PLCL2: variants seen among roughly 807,000 people sequenced by gnomAD.
The protein encoded by PLCL2 is inactive phospholipase C-like protein 2.
In PLCL2, 4 loss-of-function variants were observed where a neutral mutation model predicts 79.6. The observed-to-expected ratio is 0.05, with a 90% CI of 0.02 to 0.11. The LOEUF (loss-of-function observed/expected upper bound fraction) is 0.11. Ranked by LOEUF, PLCL2 falls within the 10% of genes least tolerant of loss-of-function variation. PLCL2 has a pLI of 1.00. For missense variants in PLCL2, 895 were observed against 1,291.0 expected (o/e 0.69, Z 4.70); for synonymous variants, 484 against 457.7 (o/e 1.06, Z -0.73).
chr3:16,967,601 T>C (rs1314917602), intron 1 of PLCL2, among the ~76,000 whole-genome samples: 1 of 152,134 alleles, frequency 6.6e-6, no homozygotes, highest in African/African-American at 2.4e-5. Context: ...TTTGCCTACT[T>C]TTTAATGGGG....
intron 4 of PLCL2, among the ~76,000 whole-genome samples, chr3:17,056,844 G>C (rs565530565): frequency 6.6e-6 from 1 of 152,276 alleles, no homozygotes; most frequent in Admixed American, 6.5e-5. Flanking sequence ...AGTCTCAGAG[G>C]CTTTTGTTGT....
intron 3 of PLCL2, among the ~76,000 whole-genome samples, chr3:17,026,641 C>T (rs1052519709): frequency 4.6e-5 from 7 of 152,042 alleles, no homozygotes; most frequent in Admixed American, 1.3e-4. Flanking sequence ...TTTGGGAGGC[C>T]GAGGCAGACT....
intron 1 of PLCL2, among the ~76,000 whole-genome samples, chr3:17,006,914 G>A (rs1323376024): frequency 6.6e-6 from 1 of 152,132 alleles, no homozygotes; most frequent in Non-Finnish European, 1.5e-5. Context: ...TATCTGAAAT[G>A]TATCATTTAT....
intron 1 of PLCL2, among the ~76,000 whole-genome samples, chr3:16,891,114 T>A (rs1344808955): frequency 6.6e-6 from 1 of 152,192 alleles, no homozygotes; most frequent in Non-Finnish European, 1.5e-5. Context: ...CCAGGCCACA[T>A]GTTGCGTATC....
Position 16,885,267 on chromosome 3 carries a change from C to T in PLCL2, c.228C>T (p.Pro76=), listed in dbSNP as rs148153072. The change falls in exon 1 of 6, where the codon CCC becomes CCT. Residue 76 remains proline, a synonymous_variant. Transcript: ENST00000615277. ...CCCGGGCTAGCCCTACCAGGGGACCCCGCGGCGTTGCGCTCGCCCCGACCC... is the reference window on the plus strand; with the variant it reads ...CCCGGGCTAGCCCTACCAGGGGACCTCGCGGCGTTGCGCTCGCCCCGACCC... ...DEARASPTRG[P]RGVALAPTPS... 30,324 of 665,892 alleles carry T rather than the reference C, an allele frequency of 0.046. 1,112 individuals carry two copies. The highest frequency in any genetic ancestry group is 0.13 in the Admixed American group (5,699 of 44,734). The allele number at this position is 665,892 out of a possible 1,614,324, so 41.2% of individuals were successfully genotyped here.
chr3:16,941,595 T>C (rs145011551), intron 1 of PLCL2, among the ~76,000 whole-genome samples: 275 of 152,304 alleles, frequency 1.8e-3, no homozygotes, highest in African/African-American at 6.2e-3. Flanking sequence ...CGAAGCCTCA[T>C]GATGTTGACT....
At chr3:16,906,838 G>A (rs1407687839) in intron 1 of PLCL2, among the ~76,000 whole-genome samples, 1 of 152,140 alleles carries the variant, frequency 6.6e-6, no homozygotes, top group African/African-American at 2.4e-5. Context: ...GAGTGGCCAG[G>A]AAAAACATGC....
intron 1 of PLCL2, among the ~76,000 whole-genome samples, chr3:16,988,633 CTGCAGTTCTATAAATGGTATAA>C (rs2064074338): frequency 6.6e-6 from 1 of 152,028 alleles, no homozygotes; most frequent in African/African-American, 2.4e-5. Flanking sequence ...TGTGTCTGTA[CTGCAGTTCTATAAATGGTATAA>C]TGTTGTGGCC....
intron 1 of PLCL2, among the ~76,000 whole-genome samples, chr3:16,992,455 C>T (rs2064114073): frequency 6.6e-6 from 1 of 152,230 alleles, no homozygotes; most frequent in African/African-American, 2.4e-5. Flanking sequence ...CAGCAAATAA[C>T]CCCCATTTGC....
At position 16,887,589 on chromosome 3, in the gene PLCL2, T is replaced by C. The variant is rs6788003; in HGVS notation, c.327+2223T>C. ...AGAGAGGATGCTATATTTAAATAGGTAACTACTTGGTATATTTCCCTTTGA... is the reference window on the plus strand; with the variant it reads ...AGAGAGGATGCTATATTTAAATAGGCAACTACTTGGTATATTTCCCTTTGA... On this transcript the variant is annotated intron_variant, in intron 1 of 5. Transcript: ENST00000615277. The surrounding 1 kb of genome is among the most constrained non-coding windows in gnomAD (Gnocchi z 4.1). 0.07 allele frequency among the ~76,000 whole-genome samples: 10,597 copies of C among 152,248 alleles called. 496 individuals are homozygous for C. The highest frequency in any genetic ancestry group is 0.11 in the African/African-American group (4,763 of 41,520).
intron 5 of PLCL2, among the ~76,000 whole-genome samples, chr3:17,078,512 C>T (rs574102627): frequency 3.0e-4 from 46 of 152,034 alleles, no homozygotes; most frequent in African/African-American, 1.0e-3. Context: ...CTTGTTACAA[C>T]CGAAGATGTT....
Position 16,945,813 on chromosome 3 carries a change from C to T in PLCL2, c.327+60447C>T, listed in dbSNP as rs180755392. Among the ~76,000 whole-genome samples, 622 of 152,336 alleles carry T rather than the reference C, an allele frequency of 4.1e-3. 2 individuals carry two copies. The highest frequency in any genetic ancestry group is 0.014 in the African/African-American group (597 of 41,572). On this transcript the variant is annotated intron_variant, in intron 1 of 5. Coordinates refer to ENST00000615277, the MANE Select transcript of PLCL2 (RefSeq NM_001144382.2). The stretch of plus-strand genomic sequence containing the variant: ...TGTAGACCCTGGGGTCATGGTTCCA[C>T]TTTATGAATGAAGTAGAGACCTTTC...
rs147644813 is a variant in PLCL2 at position 16,986,587 on chromosome 3, G to A, written c.328-23087G>A. Among the ~76,000 whole-genome samples, 757 of 152,074 alleles carry A rather than the reference G, an allele frequency of 5.0e-3. 7 individuals carry two copies. Among genetic ancestry groups the A allele is most frequent in the African/African-American group, 0.017 (694 of 41,438 alleles). ...CAGCTAATTTTTTGTATTTTTAGTAGGGATGGGGTTTCACCGTGTTGGCCA... is the reference window on the plus strand; with the variant it reads ...CAGCTAATTTTTTGTATTTTTAGTAAGGATGGGGTTTCACCGTGTTGGCCA... On this transcript the variant is annotated intron_variant, in intron 1 of 5. Coordinates refer to ENST00000615277, the MANE Select transcript of PLCL2 (RefSeq NM_001144382.2).
chr3:16,987,871 G>C (rs1234166437), intron 1 of PLCL2, among the ~76,000 whole-genome samples: 1 of 152,154 alleles, frequency 6.6e-6, no homozygotes, highest in East Asian at 1.9e-4. Context: ...ACTTTCAATA[G>C]ATGGAAAATT....
At chr3:17,044,335 C>G (rs139799176) in intron 4 of PLCL2, 4 of 152,392 alleles carry the variant, frequency 2.6e-5, no homozygotes, top group Non-Finnish European at 5.9e-5. Context: ...GCACACATCA[C>G]TCATCTGCTG....
intron 1 of PLCL2, among the ~76,000 whole-genome samples, chr3:16,970,053 T>C (rs1274920572): frequency 7.2e-6 from 1 of 139,200 alleles, no homozygotes; most frequent in Non-Finnish European, 1.5e-5. Context: ...TATATATATA[T>C]ATATATTTTA....
At chr3:16,913,264 T>C (rs1296296877) in intron 1 of PLCL2, among the ~76,000 whole-genome samples, 1 of 151,972 alleles carries the variant, frequency 6.6e-6, no homozygotes, top group African/African-American at 2.4e-5. Flanking sequence ...TATTCCAGAA[T>C]TACTCTCCCT....
At chr3:17,024,779 G>A (rs1452524491) in intron 3 of PLCL2, among the ~76,000 whole-genome samples, 1 of 149,248 alleles carries the variant, frequency 6.7e-6, no homozygotes, top group African/African-American at 2.6e-5. Context: ...CTTTGAGCTG[G>A]GAGCCTCCTG....
chr3:17,086,436 A>G (rs1423398638), intron 5 of PLCL2, among the ~76,000 whole-genome samples: 1 of 152,244 alleles, frequency 6.6e-6, no homozygotes, highest in Non-Finnish European at 1.5e-5. Flanking sequence ...AATTAACTCA[A>G]AATAGATCAT....
Sources: allele counts gnomAD v4.1 joint callset (sites outside exome capture counted in the v4.1 genomes callset), GRCh38; gene constraint gnomAD v4.1.1; non-coding constraint Gnocchi (gnomAD v3.1); transcripts MANE v1.5; gene names NCBI Gene and HGNC (gene_info 2026-07-23, HGNC 2026-07-21).